ASH1L: variants seen among roughly 807,000 people sequenced by gnomAD.
ASH1L encodes the protein ASH1 like histone lysine methyltransferase, also known as histone-lysine N-methyltransferase ASH1L.
In ASH1L, 23 loss-of-function variants were observed where a neutral mutation model predicts 269.0. The ratio of observed to expected loss-of-function variants is 0.09; its 90% CI spans 0.06 to 0.12. The LOEUF is 0.12. ASH1L is among the 10% of genes least tolerant of loss of function. The probability of loss-of-function intolerance (pLI) is 1.00; values close to 1 mark genes in which losing one functional copy is unlikely to be tolerated. For synonymous variants in ASH1L, 1,187 were observed against 1,253.5 expected (o/e 0.95, Z 1.12); for missense variants, 2,912 against 3,567.8 (o/e 0.82, Z 4.68).
chr1:155,471,925 T>C (rs1374316615), intron 3 of ASH1L, among the ~76,000 whole-genome samples: 1 of 152,148 alleles, frequency 6.6e-6, no homozygotes, highest in Admixed American at 6.6e-5. Flanking sequence ...CAACATCCAA[T>C]TGGTGATAGA....
intron 21 of ASH1L, 30 bp downstream of exon 21, chr1:155,346,353 G>T (rs1653325269): frequency 6.2e-7 from 1 of 1,606,670 alleles, no homozygotes; most frequent in East Asian, 2.2e-5. Flanking sequence ...CCTACTTATA[G>T]ATCAGAGTTT....
chr1:155,489,473 CAAA>C (rs748010625), intron 2 of ASH1L, among the ~76,000 whole-genome samples: 2 of 91,050 alleles, frequency 2.2e-5, no homozygotes, highest in Non-Finnish European at 2.2e-5. Context: ...GGCTCTGTCT[CAAA>C]AAAAAAAAAA....
At chr1:155,397,453 T>C (rs1484975300) in intron 6 of ASH1L, among the ~76,000 whole-genome samples, 1 of 150,286 alleles carries the variant, frequency 6.7e-6, no homozygotes, top group African/African-American at 2.5e-5. Context: ...GCCGAGATTG[T>C]GCCATTGTAC....
chr1:155,546,245 C>T (rs1168269983), intron 1 of ASH1L, among the ~76,000 whole-genome samples: 2 of 150,302 alleles, frequency 1.3e-5, no homozygotes, highest in African/African-American at 2.4e-5. Flanking sequence ...GCAGGAGAAT[C>T]GCTTGAACTC....
intron 1 of ASH1L, among the ~76,000 whole-genome samples, chr1:155,525,595 T>G (rs1385502056): frequency 6.6e-6 from 1 of 151,656 alleles, no homozygotes; most frequent in Non-Finnish European, 1.5e-5. Flanking sequence ...GTGTAACACT[T>G]GCAGGGAATT....
chr1:155,482,706 C>T (rs1327487953), intron 2 of ASH1L, among the ~76,000 whole-genome samples: 2 of 152,132 alleles, frequency 1.3e-5, no homozygotes, highest in Non-Finnish European at 2.9e-5. Context: ...AGAAATATCC[C>T]TGATATTTTT....
chr1:155,405,952 C>A (rs1659246351), intron 6 of ASH1L, among the ~76,000 whole-genome samples: 1 of 151,692 alleles, frequency 6.6e-6, no homozygotes, highest in Non-Finnish European at 1.5e-5. Context: ...GTCTGTAATC[C>A]CAGCGGTTTG....
chr1:155,407,693 A>G (rs1438854662), intron 6 of ASH1L, among the ~76,000 whole-genome samples: 1 of 152,216 alleles, frequency 6.6e-6, no homozygotes, highest in Non-Finnish European at 1.5e-5. Context: ...ATGGATAAAT[A>G]AAATGTGGTA....
intron 3 of ASH1L, among the ~76,000 whole-genome samples, chr1:155,465,863 G>A (rs533754799): frequency 2.0e-5 from 3 of 152,188 alleles, no homozygotes; most frequent in Non-Finnish European, 4.4e-5. Context: ...GAATCCTTTG[G>A]TATGGTTCAC....
chr1:155,350,912 C>T (rs1162190543), intron 17 of ASH1L, among the ~76,000 whole-genome samples: 10 of 121,266 alleles, frequency 8.2e-5, no homozygotes, highest in Non-Finnish European at 1.6e-4. Flanking sequence ...CAGAACAGGA[C>T]TCCGTCCTAA....
At chr1:155,465,706 G>A (rs1664633443) in intron 3 of ASH1L, among the ~76,000 whole-genome samples, 1 of 152,146 alleles carries the variant, frequency 6.6e-6, no homozygotes, top group Non-Finnish European at 1.5e-5. Context: ...ATAAGTCAAA[G>A]CTATTTGGGA....
intron 5 of ASH1L, chr1:155,434,280 G>A: frequency 6.3e-7 from 1 of 1,593,906 alleles, no homozygotes. Context: ...GCCCTTCTAG[G>A]AATGGGGGAC....
intron 1 of ASH1L, among the ~76,000 whole-genome samples, chr1:155,528,306 A>G (rs1319867061): frequency 1.3e-5 from 2 of 152,122 alleles, no homozygotes; most frequent in East Asian, 1.9e-4. Context: ...CAAACCCCTC[A>G]TGTCCATTTG....
chr1:155,340,689 A>G (rs867866482), intron 25 of ASH1L, among the ~76,000 whole-genome samples: 2 of 152,162 alleles, frequency 1.3e-5, no homozygotes, highest in African/African-American at 4.8e-5. Flanking sequence ...TACCAGGAAA[A>G]AGCCTGACAA....
At chr1:155,425,824 C>T (rs898640406) in intron 5 of ASH1L, among the ~76,000 whole-genome samples, 2 of 151,872 alleles carry the variant, frequency 1.3e-5, no homozygotes, top group Non-Finnish European at 2.9e-5. Flanking sequence ...GTGATCCACC[C>T]ACCTCAGCCT....
intron 25 of ASH1L, among the ~76,000 whole-genome samples, chr1:155,341,365 A>AC (rs1443441266): frequency 6.6e-6 from 1 of 152,034 alleles, no homozygotes; most frequent in East Asian, 1.9e-4. Flanking sequence ...TTTAGTAGAG[A>AC]GGGGGTTTCA....
At chr1:155,345,270 G>T (rs535752388) in intron 21 of ASH1L, among the ~76,000 whole-genome samples, 103 of 127,800 alleles carry the variant, frequency 8.1e-4, no homozygotes, top group African/African-American at 3.0e-3. Context: ...AACCTCTGCC[G>T]CCCAGGTTCA....
At chr1:155,413,585 C>T (rs1163481247) in intron 6 of ASH1L, among the ~76,000 whole-genome samples, 1 of 152,098 alleles carries the variant, frequency 6.6e-6, no homozygotes, top group East Asian at 1.9e-4. Flanking sequence ...CCAGCCTGGG[C>T]AACAAGAGTG....
At chr1:155,485,072 T>C (rs372718412) in intron 2 of ASH1L, among the ~76,000 whole-genome samples, 2 of 151,028 alleles carry the variant, frequency 1.3e-5, no homozygotes, top group East Asian at 1.9e-4. Context: ...CAGTCGAACA[T>C]GGTGAAACCC....
Sources: allele counts gnomAD v4.1 joint callset (sites outside exome capture counted in the v4.1 genomes callset), GRCh38; gene constraint gnomAD v4.1.1; transcripts MANE v1.5; gene names NCBI Gene and HGNC (gene_info 2026-07-23, HGNC 2026-07-21).